PPP2R2C: variants seen among roughly 807,000 people sequenced by gnomAD.
PPP2R2C encodes the protein protein phosphatase 2, regulatory subunit B, gamma.
In PPP2R2C, 10 loss-of-function variants were observed where a neutral mutation model predicts 45.3. That is an observed-to-expected ratio of 0.22 (90% confidence interval 0.14 to 0.37). The LOEUF (loss-of-function observed/expected upper bound fraction) is 0.37, where lower values mean the gene tolerates loss of function less well. Among genes scored for constraint, PPP2R2C ranks in the 10% least tolerant of loss-of-function variants. PPP2R2C has a pLI of 1.00. For missense variants in PPP2R2C, 308 were observed against 619.7 expected, an observed-to-expected ratio of 0.50 and a Z score of 5.34; for synonymous variants, 257 against 245.4, an observed-to-expected ratio of 1.05 and a Z score of -0.44.
At chr4:6,430,525 A>C (rs549750766) in intron 1 of PPP2R2C, among the ~76,000 whole-genome samples, 30 of 152,222 alleles carry the variant, frequency 2.0e-4, no homozygotes, top group Non-Finnish European at 3.8e-4. Flanking sequence ...TCAGACCCTC[A>C]GAGGAGAGTG....
chr4:6,552,321 C>T (rs1343136180), intron 1 of PPP2R2C, among the ~76,000 whole-genome samples: 1 of 152,214 alleles, frequency 6.6e-6, no homozygotes. Context: ...ATCAGCCTCA[C>T]TGGGCTAAAG....
At chr4:6,439,701 A>G (rs894766095) in intron 1 of PPP2R2C, among the ~76,000 whole-genome samples, 9 of 152,080 alleles carry the variant, frequency 5.9e-5, no homozygotes, top group African/African-American at 1.7e-4. Flanking sequence ...TTCCTAAACT[A>G]AAGATCTAAC....
chr4:6,411,029 C>T (rs959983708), intron 1 of PPP2R2C, among the ~76,000 whole-genome samples: 2 of 152,022 alleles, frequency 1.3e-5, no homozygotes, highest in Admixed American at 6.6e-5. Context: ...TGCCACCACA[C>T]CTGGCTAATT....
chr4:6,334,113 G>T (rs1732642269), intron 6 of PPP2R2C, among the ~76,000 whole-genome samples: 1 of 152,152 alleles, frequency 6.6e-6, no homozygotes, highest in Admixed American at 6.5e-5. Flanking sequence ...ATTCTCAAAT[G>T]TGCTGGACAA....
intron 8 of PPP2R2C, among the ~76,000 whole-genome samples, chr4:6,325,225 G>A (rs771413766): frequency 2.0e-4 from 30 of 152,192 alleles, no homozygotes; most frequent in Non-Finnish European, 4.0e-4. Context: ...CCTGGTGAGC[G>A]TGAATCAGGG....
chr4:6,411,191 T>C (rs1248286931), intron 1 of PPP2R2C, among the ~76,000 whole-genome samples: 1 of 152,002 alleles, frequency 6.6e-6, no homozygotes, highest in Non-Finnish European at 1.5e-5. Flanking sequence ...ATTTTAATGA[T>C]GAATAAATGG....
At chr4:6,535,384 T>A in intron 1 of PPP2R2C, 4 of 1,494,100 alleles carry the variant, frequency 2.7e-6, no homozygotes, top group Admixed American at 2.1e-5. Context: ...ACTTCTATAA[T>A]CAGAAAAAAA....
chr4:6,365,260 C>A (rs746093499), intron 5 of PPP2R2C, among the ~76,000 whole-genome samples: 9 of 152,210 alleles, frequency 5.9e-5, no homozygotes, highest in Non-Finnish European at 1.0e-4. Flanking sequence ...AGTAAGAACC[C>A]AGGGGTCCAG....
rs183024713 is a variant in PPP2R2C, at chr4:6,376,295, G to A, written c.335-364C>T. Among the ~76,000 whole-genome samples the A allele has an allele frequency of 1.4e-4, 22 of 152,280 alleles. 1 individual carries two copies. In the East Asian group the frequency reaches 4.2e-3, roughly 29 times the overall value. On this transcript the variant is annotated intron_variant, in intron 3 of 8. Transcript: ENST00000382599. ...GAACTGGGAAGAGAACTGAGAACTG[G>A]GGTCAGTGGAGCATCTGAAAGGTAC...
chr4:6,348,735 G>A (rs1712243761), intron 5 of PPP2R2C: 1 of 980,378 alleles, frequency 1.0e-6, no homozygotes, highest in Admixed American at 6.2e-5. Flanking sequence ...AGGACAAGGA[G>A]AAACCCTGGA....
At chr4:6,416,078 A>G (rs1184729224) in intron 1 of PPP2R2C, among the ~76,000 whole-genome samples, 1 of 130,822 alleles carries the variant, frequency 7.6e-6, no homozygotes, top group Non-Finnish European at 1.7e-5. Flanking sequence ...TGGATTTCTC[A>G]TGAGCAATTT....
chr4:6,535,482 T>G (rs1312260491), intron 1 of PPP2R2C: 2 of 763,552 alleles, frequency 2.6e-6, no homozygotes, highest in Non-Finnish European at 4.1e-6. Context: ...ACGGCCGCCC[T>G]GGCCGCCGCC....
At chr4:6,338,886 T>A (rs1733213858) in intron 6 of PPP2R2C, among the ~76,000 whole-genome samples, 1 of 152,134 alleles carries the variant, frequency 6.6e-6, no homozygotes, top group African/African-American at 2.4e-5. Flanking sequence ...AAGGGCCTGG[T>A]CCTCTCTGAG....
chr4:6,527,665 T>C (rs1240666396), intron 2 of PPP2R2C, among the ~76,000 whole-genome samples: 4 of 123,782 alleles, frequency 3.2e-5, no homozygotes, highest in Non-Finnish European at 4.8e-5. Flanking sequence ...ATTTCCAGAA[T>C]GCACCTCTCT....
chr4:6,562,470 G>A (rs1322757739), intron 1 of PPP2R2C, among the ~76,000 whole-genome samples: 1 of 41,946 alleles, frequency 2.4e-5, no homozygotes, highest in Non-Finnish European at 8.5e-5. Flanking sequence ...AACGGAGTCG[G>A]GGGGGGGGGT....
At chr4:6,447,997 G>A (rs1308287123) in intron 1 of PPP2R2C, among the ~76,000 whole-genome samples, 2 of 152,138 alleles carry the variant, frequency 1.3e-5, no homozygotes, top group African/African-American at 4.8e-5. Context: ...CCCTTTTTCA[G>A]GAAGCATAGG....
rs902687585 is a variant in PPP2R2C at position 6,384,183 on chromosome 4, A to C, written c.71-3089T>G. 5.1e-6 allele frequency: 5 copies of C among 985,242 alleles called. No homozygotes were observed. The African/African-American group carries it at 8.7e-5, about 17-fold the overall frequency. The allele number at this position is 985,242 out of a possible 1,614,324, so 61.0% of individuals were successfully genotyped here. ...CCAGACACATCTGGGCAGAAGCCAGAACCACCCAGCCCAGCTGTGCTAGGG... is the reference window on the plus strand; with the variant it reads ...CCAGACACATCTGGGCAGAAGCCAGCACCACCCAGCCCAGCTGTGCTAGGG... On this transcript the variant is annotated intron_variant, in intron 1 of 8. Coordinates refer to ENST00000382599, the MANE Select transcript of PPP2R2C (RefSeq NM_020416.4).
intron 2 of PPP2R2C, among the ~76,000 whole-genome samples, chr4:6,484,796 CTCAT>C (rs1722478341): frequency 6.6e-6 from 1 of 151,814 alleles, no homozygotes; most frequent in Non-Finnish European, 1.5e-5. Flanking sequence ...ACTTGTTAAA[CTCAT>C]TTATTAACTC....
chr4:6,352,008 C>A (rs1303472020), intron 5 of PPP2R2C, among the ~76,000 whole-genome samples: 2 of 152,206 alleles, frequency 1.3e-5, no homozygotes, highest in Non-Finnish European at 2.9e-5. Context: ...AAGATGGACT[C>A]CTGACAAGGG....
Sources: gnomAD v4.1 joint callset for allele counts (sites outside exome capture counted in the v4.1 genomes callset) on GRCh38, gnomAD v4.1.1 for gene constraint, MANE v1.5 for transcripts, NCBI Gene and HGNC (gene_info 2026-07-23, HGNC 2026-07-21) for gene names.